The following COL24A1 variants were observed in gnomAD, a reference collection of about 807,000 sequenced individuals.
COL24A1 encodes collagen type XXIV alpha 1 chain, also known as collagen alpha-1(XXIV) chain.
Under a neutral mutation model 253.9 loss-of-function variants are expected in COL24A1, and 224 were observed. That is an observed-to-expected ratio of 0.88 (90% CI 0.79 to 0.99). The LOEUF is 0.99. COL24A1 is among the 50% of genes least tolerant of loss of function. The pLI is 0.00. For synonymous variants in COL24A1, 685 were observed against 673.7 expected (o/e 1.02, Z -0.26); for missense variants, 2,131 against 2,068.5 (o/e 1.03, Z -0.59).
chr1:85,802,745 T>C (rs1311803147), intron 47 of COL24A1, among the ~76,000 whole-genome samples: 1 of 152,188 alleles, frequency 6.6e-6, no homozygotes, highest in African/African-American at 2.4e-5. Flanking sequence ...CCTCCCCACA[T>C]GCACTTCTAT....
chr1:85,814,978 T>C (rs1672915351), intron 47 of COL24A1, among the ~76,000 whole-genome samples: 1 of 152,184 alleles, frequency 6.6e-6, no homozygotes, highest in African/African-American at 2.4e-5. Flanking sequence ...TTACTACTAA[T>C]ATATTATTAA....
In COL24A1 at chr1:86,064,457, A is replaced by T. The variant is rs542644410; in HGVS notation, c.1708-698T>A. 3.3e-5 allele frequency among the ~76,000 whole-genome samples: 5 copies of T among 152,310 alleles called. No homozygotes were observed. In the East Asian group the frequency reaches 9.6e-4, roughly 29 times the overall value. ...AAAATGAAGGAAACTAAAAGAAAGG[A>T]TGGCAAGAATGAAATAAAGAAAAAT... On this transcript the variant is annotated intron_variant, in intron 7 of 59. Transcript: ENST00000370571.
At chr1:85,823,506 C>T (rs201717130) in intron 45 of COL24A1, 30 bp downstream of exon 45, 2 of 1,608,464 alleles carry the variant, frequency 1.2e-6, no homozygotes, top group African/African-American at 1.3e-5. Flanking sequence ...AACAATACAT[C>T]TCAAATTGCC....
Position 86,070,606 on chromosome 1 carries a change from ATAC to A in COL24A1, c.1708-6850_1708-6848del, listed in dbSNP as rs1296019307. ...CAGTGAAAGAAAAGAAACAAATAAC[ATAC>A]TATGGAGCGGAAATACATCTGGCAG... is the stretch of plus-strand genomic sequence containing the variant. On this transcript the variant is annotated intron_variant, in intron 7 of 59. Transcript: ENST00000370571. 3.9e-5 allele frequency among the ~76,000 whole-genome samples: 6 copies of A among 152,200 alleles called. No individual in the cohort carries two copies. In the South Asian group the frequency reaches 8.3e-4, roughly 21 times the overall value.
chr1:85,900,834 T>C (rs1006870768), intron 28 of COL24A1, among the ~76,000 whole-genome samples: 1 of 152,118 alleles, frequency 6.6e-6, no homozygotes, highest in Non-Finnish European at 1.5e-5. Context: ...CTTCAATAAA[T>C]GATGTTAGGA....
chr1:85,922,139 A>G (rs899206928), intron 24 of COL24A1, among the ~76,000 whole-genome samples: 6 of 152,172 alleles, frequency 3.9e-5, no homozygotes, highest in Non-Finnish European at 5.9e-5. Flanking sequence ...AAAGAAACGA[A>G]CAAAGCCTCC....
chr1:85,998,697 C>T (rs540809520), intron 19 of COL24A1, among the ~76,000 whole-genome samples: 2 of 152,230 alleles, frequency 1.3e-5, no homozygotes, highest in East Asian at 1.9e-4. Flanking sequence ...GGAAGGAATG[C>T]GTACTGTCCA....
intron 35 of COL24A1, among the ~76,000 whole-genome samples, chr1:85,871,285 C>G (rs895368892): frequency 6.6e-6 from 1 of 152,142 alleles, no homozygotes; most frequent in Non-Finnish European, 1.5e-5. Flanking sequence ...GGAGCTGGTA[C>G]CATTCCTTCT....
chr1:85,887,893 TA>T (rs1401610598), intron 32 of COL24A1, among the ~76,000 whole-genome samples: 1 of 152,164 alleles, frequency 6.6e-6, no homozygotes, highest in African/African-American at 2.4e-5. Context: ...ACTCTTTCCA[TA>T]GGCAATGAAT....
intron 20 of COL24A1, among the ~76,000 whole-genome samples, chr1:85,982,103 C>T (rs1272078517): frequency 6.6e-6 from 1 of 152,008 alleles, no homozygotes; most frequent in African/African-American, 2.4e-5. Flanking sequence ...AGAAGGAAAT[C>T]CTGTCATGTT....
intron 43 of COL24A1, among the ~76,000 whole-genome samples, chr1:85,828,530 G>A (rs1417986615): frequency 6.6e-6 from 1 of 151,484 alleles, no homozygotes; most frequent in African/African-American, 2.4e-5. Context: ...GGGTGTTAAA[G>A]TCTCCCATTA....
rs1424340996 is a variant in COL24A1 at position 86,125,289 on chromosome 1, C to T, written c.1047G>A (p.Leu349=). ...TEEDTQTNFS[L]SVTTHRISEA... ...CACTGATGCGATGAGTGGTCACTGA[C>T]AGGCTGAAATTTGTCTGAGTATCTT... The change falls in exon 3 of 60, where the codon CTG becomes CTA. Residue 349 remains leucine (L), a synonymous_variant. Transcript: ENST00000370571. The T allele has an allele frequency of 6.2e-7, 1 of 1,613,624 alleles. No homozygotes were observed. The highest frequency in any genetic ancestry group is 1.7e-5 in the Admixed American group (1 of 59,856).
At position 85,737,395 on chromosome 1, in the gene COL24A1, C is replaced by T; in HGVS notation, c.4782+1G>A. 2 of 1,599,554 alleles carry T rather than the reference C, an allele frequency of 1.3e-6. No homozygotes were observed. Among genetic ancestry groups the T allele is most frequent in the Non-Finnish European group, 8.6e-7 (1 of 1,168,686 alleles). On this transcript the variant is annotated splice_donor_variant, in intron 58 of 59. Coordinates refer to ENST00000370571, the MANE Select transcript of COL24A1 (RefSeq NM_152890.7). LOFTEE classifies it high-confidence loss of function. Reference sequence around the variant, plus strand: ...ATGTGTTCTAAAATTCAGTAACATACCTTTGTTACAGAAACAGGAGGTAAG... The same window carrying T: ...ATGTGTTCTAAAATTCAGTAACATATCTTTGTTACAGAAACAGGAGGTAAG...
intron 28 of COL24A1, among the ~76,000 whole-genome samples, chr1:85,899,073 G>A (rs17128468): frequency 0.039 from 5,862 of 152,210 alleles, 184 homozygotes; most frequent in African/African-American, 0.08. Flanking sequence ...AAGCATGAAG[G>A]TCCCTCAGGA....
chr1:85,992,345 T>C (rs905875493), intron 19 of COL24A1, among the ~76,000 whole-genome samples: 10 of 152,152 alleles, frequency 6.6e-5, no homozygotes, highest in East Asian at 1.9e-4. Context: ...CCTTCCCACA[T>C]AGGAGAGCTT....
intron 19 of COL24A1, among the ~76,000 whole-genome samples, chr1:86,012,479 C>T (rs1696594480): frequency 1.3e-5 from 2 of 152,110 alleles, no homozygotes; most frequent in South Asian, 4.1e-4. Context: ...ATCCCAGCTA[C>T]CTGGGAGGCT....
At chr1:85,942,695 C>T (rs1688865035) in intron 24 of COL24A1, among the ~76,000 whole-genome samples, 1 of 152,132 alleles carries the variant, frequency 6.6e-6, no homozygotes, top group Non-Finnish European at 1.5e-5. Context: ...ATTAAAATCC[C>T]TAATGTTGAA....
Position 85,971,227 on chromosome 1 carries a change from T to C in COL24A1, c.2418+113A>G. 4 of 770,122 alleles carry C rather than the reference T, an allele frequency of 5.2e-6. No individual in the cohort carries two copies. The South Asian group carries it at 6.4e-5, about 12-fold the overall frequency. 47.7% of individuals were successfully genotyped at this position (770,122 alleles called of 1,614,324 possible). ...CTGTCTAAATATATAAATAAAATGG[T>C]AACTGGAAATCTGATGGTGTTTAAG... is the stretch of plus-strand genomic sequence containing the variant. On this transcript the variant is annotated intron_variant, in intron 21 of 59. Coordinates refer to ENST00000370571, the MANE Select transcript of COL24A1 (RefSeq NM_152890.7).
At chr1:85,995,160 T>G (rs1263234071) in intron 19 of COL24A1, among the ~76,000 whole-genome samples, 1 of 152,196 alleles carries the variant, frequency 6.6e-6, no homozygotes, top group Non-Finnish European at 1.5e-5. Context: ...TTACAGTATT[T>G]TTTTTAAAAA....
Sources: gnomAD v4.1 joint callset for allele counts (sites outside exome capture counted in the v4.1 genomes callset) on GRCh38, gnomAD v4.1.1 for gene constraint, MANE v1.5 for transcripts, NCBI Gene and HGNC (gene_info 2026-07-23, HGNC 2026-07-21) for gene names.